The following KATNB1 variants were observed in gnomAD, a reference collection of about 807,000 sequenced individuals.
KATNB1 encodes the protein katanin regulatory subunit B1.
KATNB1 carries 38 observed loss-of-function variants against 82.3 expected under a neutral mutation model. That is an observed-to-expected ratio of 0.46 (90% confidence interval 0.36 to 0.61). KATNB1 has a LOEUF of 0.61. Ranked by LOEUF, KATNB1 falls within the 20% of genes least tolerant of loss-of-function variation. The pLI, the probability that KATNB1 is intolerant of heterozygous loss-of-function variation, is 0.00. For missense variants in KATNB1, 749 were observed against 915.7 expected (o/e 0.82, Z 2.35); for synonymous variants, 361 against 368.7 (o/e 0.98, Z 0.24).
Position 57,751,744 on chromosome 16 carries a change from G to C in KATNB1, c.516+20G>C. ...GTGAAGGTAGCTCCCGGCCTGACCT[G>C]GGCCCAGGGGCTGGGGGCTGGGGTC... On this transcript the variant is annotated intron_variant, in intron 7 of 19. Coordinates refer to ENST00000379661, the MANE Select transcript of KATNB1 (RefSeq NM_005886.3). This position sits in a 1 kb window ranked among gnomAD's most constrained non-coding sequence, Gnocchi z 6.3. 1 of 1,605,518 alleles carries C rather than the reference G, an allele frequency of 6.2e-7. No individual in the cohort carries two copies. Among genetic ancestry groups the C allele is most frequent in the Non-Finnish European group, 8.5e-7 (1 of 1,178,558 alleles).
At chr16:57,744,321 G>T in intron 3 of KATNB1, 73 bp from the exon 4 acceptor site, 1 of 1,312,498 alleles carries the variant, frequency 7.6e-7, no homozygotes, top group Non-Finnish European at 1.1e-6. Context: ...CCTTTCCGGG[G>T]GACTTGGAAT....
At chr16:57,754,089 G>A in intron 13 of KATNB1, 94 bp downstream of exon 13, 1 of 1,084,974 alleles carries the variant, frequency 9.2e-7, no homozygotes, top group African/African-American at 1.6e-5. Flanking sequence ...CCCCTTCCCA[G>A]GACCCTCCCC....
chr16:57,753,421 G>A lies in KATNB1; in HGVS notation c.1079G>A (p.Ser360Asn). 1 of 1,611,404 alleles carries A rather than the reference G, an allele frequency of 6.2e-7. No individual in the cohort carries two copies. The highest frequency in any genetic ancestry group is 8.5e-7 in the Non-Finnish European group (1 of 1,179,348). ...VKQNSESERRSPSSEDDRDER... is the reference protein window; with the variant it reads ...VKQNSESERRNPSSEDDRDER... ...CAGAACTCAGAGAGCGAGCGCCGCA[G>A]CCCCAGCAGCGAGGATGACCGGGAC... Residue 360 changes from serine to asparagine, a missense_variant, in exon 12 of 20, where the codon AGC (serine) becomes AAC (asparagine). Ser to Asn is a conservative substitution (Grantham distance 46, BLOSUM62 1). Coordinates refer to ENST00000379661, the MANE Select transcript of KATNB1 (RefSeq NM_005886.3).
chr16:57,755,816 C>G (rs1277259857), intron 16 of KATNB1, 25 bp from the exon 17 acceptor site: 2 of 1,566,348 alleles, frequency 1.3e-6, no homozygotes, highest in African/African-American at 1.3e-5. Context: ...ACTGCCCCAC[C>G]CCTGACGGTG....
chr16:57,752,593 G>T lies in KATNB1; in HGVS notation c.696G>T (p.Gly232=). ...QVVSCIEGEP[G]PVRSVLFNPD... is the part of the protein sequence containing the mutation. ...TGAGCTGCATCGAAGGGGAGCCTGGGCCCGTCAGGTACGCAGGCTGTGGGG... is the reference window on the plus strand; with the variant it reads ...TGAGCTGCATCGAAGGGGAGCCTGGTCCCGTCAGGTACGCAGGCTGTGGGG... The change falls in exon 9 of 20, where the codon GGG becomes GGT. Residue 232 remains glycine, a synonymous_variant. Transcript: ENST00000379661. 6 of 1,566,612 alleles carry T rather than the reference G, an allele frequency of 3.8e-6. No homozygotes were observed. Among genetic ancestry groups the T allele is most frequent in the Non-Finnish European group, 5.2e-6 (6 of 1,155,614 alleles).
chr16:57,756,990 C>A lies in KATNB1; in HGVS notation c.*44C>A. ...GCGCTCGGCAGCCCACAGGGCCTGG[C>A]CTCAGCCCCCACTCCTGTTCCTTGT... On this transcript the variant is annotated 3_prime_UTR_variant, in exon 20 of 20. Coordinates refer to ENST00000379661, the MANE Select transcript of KATNB1 (RefSeq NM_005886.3). The A allele has an allele frequency of 6.8e-7, 1 of 1,464,362 alleles. No individual in the cohort carries two copies. Among genetic ancestry groups the A allele is most frequent in the Non-Finnish European group, 9.1e-7 (1 of 1,102,772 alleles). 90.7% of individuals were successfully genotyped at this position (1,464,362 alleles called of 1,614,324 possible).
intron 3 of KATNB1, among the ~76,000 whole-genome samples, chr16:57,743,207 C>G (rs1233402077): frequency 1.3e-5 from 2 of 152,198 alleles, no homozygotes; most frequent in African/African-American, 2.4e-5. Context: ...GCAGGAGAAT[C>G]GCTTGAACCT....
rs2049165949 is a variant in KATNB1 at position 57,744,279 on chromosome 16, C to T, written c.172-115C>T. ...GCTAGGCTGTGGCCCCCATGGGGCTCCCCCTCCTGCCTTAGCCATTTCTTG... is the reference window on the plus strand; with the variant it reads ...GCTAGGCTGTGGCCCCCATGGGGCTTCCCCTCCTGCCTTAGCCATTTCTTG... On this transcript the variant is annotated intron_variant, in intron 3 of 19. Transcript: ENST00000379661. 1.0e-5 allele frequency: 9 copies of T among 866,276 alleles called. No homozygotes were observed. In the Admixed American group the frequency reaches 1.6e-4, roughly 15 times the overall value. 53.7% of individuals were successfully genotyped at this position (866,276 alleles called of 1,614,324 possible).
chr16:57,745,337 AACCCCATCCT>A (rs2049175477), intron 4 of KATNB1, among the ~76,000 whole-genome samples: 3 of 3,486 alleles, frequency 8.6e-4, no homozygotes, highest in South Asian at 9.6e-3. Flanking sequence ...AACGTGGAGA[AACCCCATCCT>A]GAGGTTGGGA....
At chr16:57,745,883 C>G (rs559575777) in intron 4 of KATNB1, among the ~76,000 whole-genome samples, 1 of 151,838 alleles carries the variant, frequency 6.6e-6, no homozygotes, top group Non-Finnish European at 1.5e-5. Flanking sequence ...CCTCCTGTTT[C>G]TTTGAAACCC....
At position 57,753,944 on chromosome 16, in the gene KATNB1, G is replaced by C; in HGVS notation, c.1178-1G>C. The C allele has an allele frequency of 6.2e-7, 1 of 1,613,482 alleles. No individual in the cohort carries two copies. Among genetic ancestry groups the C allele is most frequent in the Non-Finnish European group, 8.5e-7 (1 of 1,179,880 alleles). ...CAGCCAGGGGCCTCTTTCCTCTGCA[G>C]GTCGGACGCCACCCCGGAGAAGTGA... On this transcript the variant is annotated splice_acceptor_variant, in intron 12 of 19. Coordinates refer to ENST00000379661, the MANE Select transcript of KATNB1 (RefSeq NM_005886.3). LOFTEE classifies it high-confidence loss of function.
At chr16:57,745,813 G>A (rs1340430157) in intron 4 of KATNB1, among the ~76,000 whole-genome samples, 1 of 150,500 alleles carries the variant, frequency 6.6e-6, no homozygotes, top group African/African-American at 2.5e-5. Context: ...TTTAATCTGT[G>A]TGTTTTCTAT....
chr16:57,752,614 TG>T lies in KATNB1; in HGVS notation c.704+17del, dbSNP rs1184510717. On this transcript the variant is annotated intron_variant, in intron 9 of 19. Transcript: ENST00000379661. ...CTGGGCCCGTCAGGTACGCAGGCTG[TG>T]GGGTGGGCGGCCCAGCGCTCCTCCC... 13 of 1,558,620 alleles carry T rather than the reference TG, an allele frequency of 8.3e-6. No homozygotes were observed. Among genetic ancestry groups the T allele is most frequent in the Non-Finnish European group, 1.1e-5 (13 of 1,151,346 alleles).
Position 57,756,599 on chromosome 16 carries a change from G to T in KATNB1, c.1835+127G>T, listed in dbSNP as rs567793055. 216 of 1,177,970 alleles carry T rather than the reference G, an allele frequency of 1.8e-4. 3 individuals carry two copies. Among genetic ancestry groups the T allele is most frequent in the South Asian group, 1.8e-3 (123 of 67,494 alleles). 73.0% of individuals were successfully genotyped at this position (1,177,970 alleles called of 1,614,324 possible). On this transcript the variant is annotated intron_variant, in intron 19 of 19. Coordinates refer to ENST00000379661, the MANE Select transcript of KATNB1 (RefSeq NM_005886.3). Reference sequence around the variant, plus strand: ...AGTACAGAGGAGGCGTTGGTCTGGGGCCATGGCTCAGGGTGTGGGTGGGCT... The same window carrying T: ...AGTACAGAGGAGGCGTTGGTCTGGGTCCATGGCTCAGGGTGTGGGTGGGCT...
intron 4 of KATNB1, among the ~76,000 whole-genome samples, chr16:57,745,220 A>G (rs1222515735): frequency 6.6e-6 from 1 of 152,158 alleles, no homozygotes; most frequent in Non-Finnish European, 1.5e-5. Flanking sequence ...TTTCTTATTT[A>G]AAAAACACCG....
At position 57,756,153 on chromosome 16, in the gene KATNB1, G is replaced by A. The variant is rs537282083; in HGVS notation, c.1718+87G>A. ...CCAGAACCATGGGAAGGACCCCCAA[G>A]AGCCTGGGTGTTCCTGTGAGCTGGC... On this transcript the variant is annotated intron_variant, in intron 18 of 19. Transcript: ENST00000379661. 6.2e-5 allele frequency: 89 copies of A among 1,447,108 alleles called. 1 individual carries two copies. The African/African-American group carries it at 1.1e-3, about 18-fold the overall frequency. 89.6% of individuals were successfully genotyped at this position (1,447,108 alleles called of 1,614,324 possible).
At chr16:57,755,753 C>A in intron 16 of KATNB1, 88 bp from the exon 17 acceptor site, 2 of 1,270,532 alleles carry the variant, frequency 1.6e-6, no homozygotes, top group South Asian at 1.4e-5. Context: ...TCAGCACACC[C>A]ACATTCACGT....
chr16:57,741,496 C>T (rs1264776192), intron 2 of KATNB1, among the ~76,000 whole-genome samples, 191 bp from the exon 3 acceptor site: 2 of 152,214 alleles, frequency 1.3e-5, no homozygotes, highest in Admixed American at 6.5e-5. Flanking sequence ...CAGTGATTTC[C>T]GTCTCAGGCC....
chr16:57,744,763 GTGTC>G (rs2049171341), intron 4 of KATNB1, among the ~76,000 whole-genome samples: 2 of 129,976 alleles, frequency 1.5e-5, no homozygotes, highest in African/African-American at 5.8e-5. Flanking sequence ...TTGGATGTGT[GTGTC>G]TGCGGGCACG....
Sources: gnomAD v4.1 joint callset for allele counts (sites outside exome capture counted in the v4.1 genomes callset) on GRCh38, gnomAD v4.1.1 for gene constraint, Gnocchi (gnomAD v3.1) non-coding constraint, MANE v1.5 for transcripts, NCBI Gene and HGNC (gene_info 2026-07-23, HGNC 2026-07-21) for gene names.